TMEM248: variants seen among roughly 807,000 people sequenced by gnomAD.
TMEM248 encodes the protein UPF0458 protein C7orf42.
Under a neutral mutation model 30.3 loss-of-function variants are expected in TMEM248, and 9 were observed. The ratio of observed to expected loss-of-function variants is 0.30; its 90% CI spans 0.18 to 0.52. TMEM248 has a LOEUF of 0.52. Ranked by LOEUF, TMEM248 falls within the 20% of genes least tolerant of loss-of-function variation. The pLI is 0.97. For missense variants in TMEM248, 338 were observed against 403.3 expected (o/e 0.84, Z 1.39); for synonymous variants, 184 against 154.4 (o/e 1.19, Z -1.42).
chr7:66,951,070 T>C lies in TMEM248; in HGVS notation c.715T>C (p.Tyr239His). ...YAQDYNPFWC[Y>H]KGAIGKVYHA... ...CCAAGATTACAATCCTTTCTGGTGT[T>C]ATAAGGGGGCCATTGGAAAAGTCTA... The change falls in exon 5 of 7, where the codon TAT (tyrosine) becomes CAT (histidine). Residue 239 changes from tyrosine (Y) to histidine (H), a missense_variant. Physicochemically the swap from Tyr to His is moderately conservative, Grantham distance 83. Coordinates refer to ENST00000341567, the MANE Select transcript of TMEM248 (RefSeq NM_017994.5). The C allele has an allele frequency of 3.1e-6, 5 of 1,611,194 alleles. No homozygotes were observed. The highest frequency in any genetic ancestry group is 3.4e-6 in the Non-Finnish European group (4 of 1,179,260).
At chr7:66,942,946 T>C (rs1792003232) in intron 2 of TMEM248, among the ~76,000 whole-genome samples, 1 of 150,974 alleles carries the variant, frequency 6.6e-6, no homozygotes, top group Non-Finnish European at 1.5e-5. Flanking sequence ...AGAGGAGAGT[T>C]GTGTTCCATG....
rs1792206028 is a variant in TMEM248, at chr7:66,949,543, GTTGATTTTAGTTTATC to G, written c.596+863_596+878del. Among the ~76,000 whole-genome samples the G allele has an allele frequency of 2.6e-5, 4 of 152,190 alleles. No individual in the cohort carries two copies. In the South Asian group the frequency reaches 6.2e-4, roughly 24 times the overall value. Reference sequence around the variant, plus strand: ...TTATCCAGAAAGATATTTTAAAATCGTTGATTTTAGTTTATCTTGATTTTAGTTTTAAATCAAGTAT... The same window carrying G: ...TTATCCAGAAAGATATTTTAAAATCGTTGATTTTAGTTTTAAATCAAGTAT... On this transcript the variant is annotated intron_variant, in intron 4 of 6. Coordinates refer to ENST00000341567, the MANE Select transcript of TMEM248 (RefSeq NM_017994.5).
chr7:66,952,587 GC>G (rs1339559885), intron 5 of TMEM248, among the ~76,000 whole-genome samples: 2 of 152,200 alleles, frequency 1.3e-5, no homozygotes, highest in African/African-American at 2.4e-5. Flanking sequence ...CTGTCCTGAG[GC>G]CTGGAGATAC....
chr7:66,946,856 T>C (rs1025039425), intron 3 of TMEM248, among the ~76,000 whole-genome samples: 46 of 152,238 alleles, frequency 3.0e-4, no homozygotes, highest in African/African-American at 1.1e-3. Flanking sequence ...AGGAAAGGCT[T>C]CATATGGGAC....
At chr7:66,948,839 T>A in intron 4 of TMEM248, 145 bp downstream of exon 4, 1 of 885,692 alleles carries the variant, frequency 1.1e-6, no homozygotes, top group East Asian at 2.8e-5. Flanking sequence ...ATCTAAAGGA[T>A]TATTTAATTT....
intron 5 of TMEM248, among the ~76,000 whole-genome samples, chr7:66,952,302 G>A (rs1479597263): frequency 6.6e-6 from 1 of 152,150 alleles, no homozygotes; most frequent in African/African-American, 2.4e-5. Flanking sequence ...TTGAACTGCT[G>A]ACTTCAGGTG....
At chr7:66,935,779 A>C (rs1386786363) in intron 1 of TMEM248, among the ~76,000 whole-genome samples, 2 of 149,810 alleles carry the variant, frequency 1.3e-5, no homozygotes, top group African/African-American at 4.9e-5. Context: ...CCTGGCTTCA[A>C]GTGATCCACC....
At chr7:66,947,969 C>T (rs1264134001) in intron 3 of TMEM248, among the ~76,000 whole-genome samples, 1 of 151,952 alleles carries the variant, frequency 6.6e-6, no homozygotes, top group Non-Finnish European at 1.5e-5. Flanking sequence ...TCAGGCTGGT[C>T]GTGAATTCCC....
At chr7:66,949,979 A>G (rs1772111873) in intron 4 of TMEM248, among the ~76,000 whole-genome samples, 1 of 152,196 alleles carries the variant, frequency 6.6e-6, no homozygotes, top group South Asian at 2.1e-4. Flanking sequence ...GGAGGTTTGT[A>G]GGACAAGATC....
intron 1 of TMEM248, among the ~76,000 whole-genome samples, chr7:66,940,261 T>A (rs993715289): frequency 6.6e-6 from 1 of 152,132 alleles, no homozygotes; most frequent in Non-Finnish European, 1.5e-5. Flanking sequence ...GCCATAGATG[T>A]GCGTTTTAAG....
intron 2 of TMEM248, among the ~76,000 whole-genome samples, chr7:66,944,195 C>G (rs1249269205): frequency 6.6e-6 from 1 of 151,094 alleles, no homozygotes; most frequent in East Asian, 1.9e-4. Flanking sequence ...ACCTCCACCT[C>G]CCAGGTTCAA....
chr7:66,949,728 T>C (rs918998502), intron 4 of TMEM248, among the ~76,000 whole-genome samples: 1 of 152,242 alleles, frequency 6.6e-6, no homozygotes, highest in African/African-American at 2.4e-5. Flanking sequence ...TATTTTCCAT[T>C]AAACAATTAA....
intron 1 of TMEM248, among the ~76,000 whole-genome samples, chr7:66,932,567 G>T (rs1056677279): frequency 1.3e-5 from 2 of 151,216 alleles, no homozygotes; most frequent in African/African-American, 4.9e-5. Flanking sequence ...CCAGGCTGGA[G>T]TGCAGTGGCG....
At chr7:66,939,489 G>T (rs1478067596) in intron 1 of TMEM248, among the ~76,000 whole-genome samples, 1 of 152,218 alleles carries the variant, frequency 6.6e-6, no homozygotes, top group African/African-American at 2.4e-5. Flanking sequence ...GGCTGTTGAT[G>T]CATCTTTTTG....
intron 6 of TMEM248, among the ~76,000 whole-genome samples, chr7:66,953,942 T>TC (rs999196910): frequency 3.7e-5 from 3 of 80,442 alleles, no homozygotes; most frequent in African/African-American, 1.1e-4. Context: ...TTACTTTCTT[T>TC]TTTTTTTTTT....
intron 1 of TMEM248, among the ~76,000 whole-genome samples, chr7:66,923,025 TA>T (rs1402645806): frequency 2.0e-5 from 3 of 152,116 alleles, no homozygotes; most frequent in African/African-American, 7.2e-5. Context: ...AATATATTAA[TA>T]GTTTCTGCCT....
intron 1 of TMEM248, among the ~76,000 whole-genome samples, chr7:66,926,639 CAA>C (rs200106499): frequency 2.5e-4 from 22 of 86,534 alleles, no homozygotes; most frequent in Admixed American, 4.9e-4. Context: ...CCATCTGAAA[CAA>C]AAAAAAAAAA....
At chr7:66,923,206 C>T (rs994996148) in intron 1 of TMEM248, among the ~76,000 whole-genome samples, 7 of 150,120 alleles carry the variant, frequency 4.7e-5, no homozygotes, top group African/African-American at 1.7e-4. Flanking sequence ...AGTGCAGTGG[C>T]GCGAAGTTAG....
intron 3 of TMEM248, 124 bp downstream of exon 3, chr7:66,945,385 TG>T (rs1171324405): frequency 1.8e-6 from 2 of 1,094,956 alleles, no homozygotes; most frequent in Non-Finnish European, 2.6e-6. Flanking sequence ...GTCTTTTTTT[TG>T]TTGAGTTTGA....
Sources: allele counts gnomAD v4.1 joint callset (sites outside exome capture counted in the v4.1 genomes callset), GRCh38; gene constraint gnomAD v4.1.1; transcripts MANE v1.5; gene names NCBI Gene and HGNC (gene_info 2026-07-23, HGNC 2026-07-21).